Variants in TMX4 observed in about 807,000 individuals in gnomAD.
The protein encoded by TMX4 is thioredoxin related transmembrane protein 4, also known as thioredoxin-related transmembrane protein 4.
TMX4 carries 23 observed loss-of-function variants against 33.3 expected under a neutral mutation model. The ratio of observed to expected loss-of-function variants is 0.69; its 90% CI spans 0.50 to 0.98. The LOEUF is 0.98. Ranked by LOEUF, TMX4 falls within the 50% of genes least tolerant of loss-of-function variation. TMX4 has a pLI of 0.00. For synonymous variants in TMX4, 164 were observed against 161.5 expected (o/e 1.02, Z -0.12); for missense variants, 399 against 448.9 (o/e 0.89, Z 1.01).
At chr20:7,991,929 A>T (rs1490991730) in intron 5 of TMX4, among the ~76,000 whole-genome samples, 3 of 140,360 alleles carry the variant, frequency 2.1e-5, no homozygotes, top group African/African-American at 8.5e-5. Context: ...GTAGCACTGT[A>T]GCCAACTGTG....
intron 1 of TMX4, chr20:8,019,222 C>T (rs1035229657): frequency 3.6e-6 from 2 of 557,266 alleles, no homozygotes; most frequent in Non-Finnish European, 6.0e-6. Flanking sequence ...AGCCGCAGGT[C>T]GTTGGTAAGG....
At chr20:8,011,559 A>C (rs2050753112) in intron 1 of TMX4, among the ~76,000 whole-genome samples, 1 of 152,080 alleles carries the variant, frequency 6.6e-6, no homozygotes, top group Non-Finnish European at 1.5e-5. Flanking sequence ...ATTGGGCAAG[A>C]TTTTGATCTT....
rs2050591793 is a variant in TMX4, at chr20:7,978,635, G to C, written c.*3616C>G. 1.3e-5 allele frequency: 2 copies of C among 152,264 alleles called. No homozygotes were observed. The highest frequency in any genetic ancestry group is 1.9e-4 in the East Asian group (1 of 5,186). The allele number at this position is 152,264 out of a possible 1,614,324, so 9.4% of individuals were successfully genotyped here. A position where few individuals can be genotyped will look rare whatever the true frequency, so the allele number is the denominator to read the frequency against. ...CTACAGTAGTTATTTTGAATGTATA[G>C]AGCTAAAGAGGCCTGTGGCTAACAG... On this transcript the variant is annotated 3_prime_UTR_variant, in exon 8 of 8. Coordinates refer to ENST00000246024, the MANE Select transcript of TMX4 (RefSeq NM_021156.4).
chr20:8,010,163 G>T, intron 2 of TMX4, 37 bp downstream of exon 2: 1 of 1,550,886 alleles, frequency 6.4e-7, no homozygotes, highest in Non-Finnish European at 8.8e-7. Flanking sequence ...TAAAAAGTCG[G>T]TAAACTTTTG....
Position 7,980,546 on chromosome 20 carries a change from C to T in TMX4, c.*1705G>A, listed in dbSNP as rs2122846842. ...ACTAAGGGGGCAGGAAACAGGCAGG[C>T]ACATGGCAAGGTTCTCCCAGCCCAT... On this transcript the variant is annotated 3_prime_UTR_variant, in exon 8 of 8. Coordinates refer to ENST00000246024, the MANE Select transcript of TMX4 (RefSeq NM_021156.4). The T allele has an allele frequency of 6.6e-6, 1 of 152,548 alleles. No homozygotes were observed. The highest frequency in any genetic ancestry group is 1.5e-5 in the Non-Finnish European group (1 of 68,236). 9.4% of individuals were successfully genotyped at this position (152,548 alleles called of 1,614,324 possible). A position where few individuals can be genotyped will look rare whatever the true frequency, so the allele number is the denominator to read the frequency against.
chr20:7,983,096 C>T (rs1324269564), intron 7 of TMX4, among the ~76,000 whole-genome samples: 2 of 152,206 alleles, frequency 1.3e-5, no homozygotes, highest in Admixed American at 6.5e-5. Flanking sequence ...AGAAACCTAA[C>T]ATCACTTGGG....
At chr20:8,005,286 A>G (rs1385038340) in intron 2 of TMX4, among the ~76,000 whole-genome samples, 1 of 152,210 alleles carries the variant, frequency 6.6e-6, no homozygotes, top group East Asian at 1.9e-4. Flanking sequence ...TATACTCATT[A>G]AATTTAATTT....
At chr20:8,008,594 A>T (rs1414208563) in intron 2 of TMX4, among the ~76,000 whole-genome samples, 2 of 152,178 alleles carry the variant, frequency 1.3e-5, no homozygotes, top group Non-Finnish European at 2.9e-5. Context: ...TTTTAATTCA[A>T]ATTATGCTAT....
At chr20:7,989,143 G>C (rs2050643327) in intron 5 of TMX4, among the ~76,000 whole-genome samples, 1 of 151,774 alleles carries the variant, frequency 6.6e-6, no homozygotes, top group South Asian at 2.1e-4. Flanking sequence ...TTACTGTATA[G>C]TTTCCTACTT....
In TMX4 at chr20:7,978,430, A is replaced by T. The variant is rs1439093455; in HGVS notation, c.*3821T>A. 1 of 152,230 alleles carries T rather than the reference A, an allele frequency of 6.6e-6. No individual in the cohort carries two copies. The highest frequency in any genetic ancestry group is 1.5e-5 in the Non-Finnish European group (1 of 68,046). 9.4% of individuals were successfully genotyped at this position (152,230 alleles called of 1,614,324 possible). On this transcript the variant is annotated 3_prime_UTR_variant, in exon 8 of 8. Coordinates refer to ENST00000246024, the MANE Select transcript of TMX4 (RefSeq NM_021156.4). ...CACATGGTAAGTATTTGCCTTAAAA[A>T]TGACTTTTATCGTCTACCCCAAAGG...
In TMX4 at chr20:8,019,702, G is replaced by A. The variant is rs768931899; in HGVS notation, c.-89C>T. 8.3e-4 allele frequency: 974 copies of A among 1,177,898 alleles called. No homozygotes were observed. The highest frequency in any genetic ancestry group is 1.0e-3 in the Non-Finnish European group (923 of 926,946). 73.0% of individuals were successfully genotyped at this position (1,177,898 alleles called of 1,614,324 possible). A position where few individuals can be genotyped will look rare whatever the true frequency, so the allele number is the denominator to read the frequency against. ...CTCGCTCGCCCGCCGGGTTTTTCAA[G>A]GAAGCGGGAGACGCAAGGGCCACCC... On this transcript the variant is annotated 5_prime_UTR_variant, in exon 1 of 8. Transcript: ENST00000246024.
At position 8,019,483 on chromosome 20, in the gene TMX4, G is replaced by C; in HGVS notation, c.131C>G (p.Ala44Gly). The stretch of plus-strand genomic sequence containing the variant: ...CTCCATCACCAGCGTCCAGTTGGAG[G>C]CGGTCATGGGCTGGACCCGGCTCTG... ...PEQSRVQPMT[A>G]SNWTLVMEGE... The change falls in exon 1 of 8, where the codon GCC becomes GGC. Residue 44 changes from alanine (A) to glycine (G), a missense_variant. Transcript: ENST00000246024. 6.6e-7 allele frequency: 1 copy of C among 1,514,952 alleles called. No homozygotes were observed. Among genetic ancestry groups the C allele is most frequent in the South Asian group, 1.2e-5 (1 of 81,250 alleles). 93.8% of individuals were successfully genotyped at this position (1,514,952 alleles called of 1,614,324 possible).
intron 6 of TMX4, among the ~76,000 whole-genome samples, chr20:7,986,104 CACAG>C (rs2050629925): frequency 6.6e-6 from 1 of 152,176 alleles, no homozygotes; most frequent in South Asian, 2.1e-4. Flanking sequence ...ATGGGAGAAG[CACAG>C]ACAATCACAT....
At chr20:8,005,976 C>T (rs1432381606) in intron 2 of TMX4, among the ~76,000 whole-genome samples, 1 of 151,620 alleles carries the variant, frequency 6.6e-6, no homozygotes, top group African/African-American at 2.4e-5. Flanking sequence ...TACACCAAGG[C>T]AAGAAGCCCT....
At chr20:7,996,117 A>T in intron 4 of TMX4, 46 bp from the exon 5 acceptor site, 2 of 1,504,464 alleles carry the variant, frequency 1.3e-6, no homozygotes, top group Non-Finnish European at 1.8e-6. Flanking sequence ...ATATACTATA[A>T]AAAAAAAATG....
At chr20:8,014,715 A>G (rs904646445) in intron 1 of TMX4, among the ~76,000 whole-genome samples, 16 of 152,222 alleles carry the variant, frequency 1.1e-4, no homozygotes, top group Admixed American at 1.0e-3. Context: ...AGTGGTGAAC[A>G]GTGTCAGGAA....
chr20:8,019,375 C>A, intron 1 of TMX4, 63 bp downstream of exon 1: 1 of 1,474,830 alleles, frequency 6.8e-7, no homozygotes, highest in Non-Finnish European at 9.0e-7. Context: ...CCGGGCCGCG[C>A]GGGCTTGGGA....
intron 5 of TMX4, among the ~76,000 whole-genome samples, chr20:7,992,510 G>A (rs2050659460): frequency 6.6e-6 from 1 of 152,284 alleles, no homozygotes; most frequent in South Asian, 2.1e-4. Context: ...GTAACAGCAG[G>A]AAGCTGACAG....
intron 4 of TMX4, among the ~76,000 whole-genome samples, chr20:7,998,221 G>C (rs2050685238): frequency 6.6e-6 from 1 of 152,090 alleles, no homozygotes; most frequent in South Asian, 2.1e-4. Context: ...CATCCACTGT[G>C]ACAGTTCTAC....
Sources: gnomAD v4.1 joint callset for allele counts (sites outside exome capture counted in the v4.1 genomes callset) on GRCh38, gnomAD v4.1.1 for gene constraint, MANE v1.5 for transcripts, NCBI Gene and HGNC (gene_info 2026-07-23, HGNC 2026-07-21) for gene names.